The following CAST variants were observed in gnomAD, a reference collection of about 807,000 sequenced individuals.
CAST encodes the protein MIR583 host.
CAST carries 76 observed loss-of-function variants against 119.6 expected under a neutral mutation model. The ratio of observed to expected loss-of-function variants is 0.64; its 90% CI spans 0.53 to 0.77. The LOEUF is 0.77. CAST is among the 30% of genes least tolerant of loss of function. The pLI is 0.00. For missense variants in CAST, 953 were observed against 946.5 expected (o/e 1.01, Z -0.09); for synonymous variants, 319 against 331.6 (o/e 0.96, Z 0.41).
the CAST span, among the ~76,000 whole-genome samples, chr5:96,230,593 A>T: frequency 6.6e-6 from 1 of 152,176 alleles, no homozygotes; most frequent in African/African-American, 2.4e-5. Flanking sequence ...TTAGGCAATG[A>T]TTTCTTCGAT....
chr5:96,624,173 A>T (rs912661290), intron 1 of CAST, among the ~76,000 whole-genome samples: 4 of 152,216 alleles, frequency 2.6e-5, no homozygotes, highest in Non-Finnish European at 5.9e-5. Flanking sequence ...ACCACAACTA[A>T]TTCAAGGGAA....
chr5:96,646,667 G>A (rs1748017704), intron 1 of CAST, among the ~76,000 whole-genome samples: 1 of 152,042 alleles, frequency 6.6e-6, no homozygotes, highest in South Asian at 2.1e-4. Context: ...AGGTGTTGTG[G>A]GGCTGCACAT....
chr5:96,614,933 C>T (rs961628793), intron 1 of CAST, among the ~76,000 whole-genome samples: 1 of 152,160 alleles, frequency 6.6e-6, no homozygotes, highest in Non-Finnish European at 1.5e-5. Context: ...TCAGCGCTGC[C>T]TTGAGTGAGC....
the CAST span, among the ~76,000 whole-genome samples, chr5:96,008,559 T>C: frequency 6.6e-6 from 1 of 152,186 alleles, no homozygotes; most frequent in African/African-American, 2.4e-5. Flanking sequence ...CACTCTTTAA[T>C]CTATGTGGTT....
At chr5:96,478,595 G>A in the CAST span, among the ~76,000 whole-genome samples, 69 of 152,304 alleles carry the variant, frequency 4.5e-4, no homozygotes, top group African/African-American at 1.5e-3. Flanking sequence ...TTTGGCTGTG[G>A]TTGCAGGTGG....
the CAST span, among the ~76,000 whole-genome samples, chr5:96,091,468 G>A: frequency 6.9e-6 from 1 of 144,708 alleles, no homozygotes; most frequent in Non-Finnish European, 1.5e-5. Flanking sequence ...GCCTCCCAAA[G>A]TGCTGGAATT....
At chr5:96,192,221 T>C in the CAST span, among the ~76,000 whole-genome samples, 5 of 152,166 alleles carry the variant, frequency 3.3e-5, no homozygotes, top group Non-Finnish European at 5.9e-5. Flanking sequence ...TTCAGAACAA[T>C]AGATAGATGA....
chr5:96,744,193 C>T (rs542672029), intron 16 of CAST, among the ~76,000 whole-genome samples: 4 of 152,304 alleles, frequency 2.6e-5, no homozygotes, highest in South Asian at 4.2e-4. Context: ...GCAAAAAGAA[C>T]TCCTCTTTTC....
At chr5:96,222,901 T>G in the CAST span, among the ~76,000 whole-genome samples, 1 of 152,136 alleles carries the variant, frequency 6.6e-6, no homozygotes, top group Non-Finnish European at 1.5e-5. Flanking sequence ...ACATGGTATA[T>G]ATACATAATT....
At chr5:96,182,208 A>G in the CAST span, among the ~76,000 whole-genome samples, 1 of 152,216 alleles carries the variant, frequency 6.6e-6, no homozygotes, top group East Asian at 1.9e-4. Flanking sequence ...CTGGGTTAGA[A>G]GTTGCTTCCA....
At chr5:96,544,589 A>T (rs1487342593) in intron 1 of CAST, among the ~76,000 whole-genome samples, 1 of 140,354 alleles carries the variant, frequency 7.1e-6, no homozygotes, top group East Asian at 2.2e-4. Flanking sequence ...TTATATTATA[A>T]TTTTAAGGAA....
At chr5:96,137,121 C>T in the CAST span, among the ~76,000 whole-genome samples, 1 of 152,162 alleles carries the variant, frequency 6.6e-6, no homozygotes, top group Non-Finnish European at 1.5e-5. Context: ...TCTCATGTAT[C>T]TGCCATTTCA....
intron 18 of CAST, among the ~76,000 whole-genome samples, chr5:96,748,280 GT>G (rs565172983): frequency 7.6e-4 from 115 of 152,276 alleles, no homozygotes; most frequent in African/African-American, 2.6e-3. Flanking sequence ...TCAAGGGAAT[GT>G]TTGACCAAAT....
At chr5:96,575,206 C>T (rs748989583) in intron 1 of CAST, among the ~76,000 whole-genome samples, 6 of 151,622 alleles carry the variant, frequency 4.0e-5, no homozygotes, top group Admixed American at 2.0e-4. Context: ...TTCAGTTTCA[C>T]ATGTTATTGT....
In CAST at chr5:96,742,706, C is replaced by G. The variant is rs763130113; in HGVS notation, c.1150C>G (p.Arg384Gly). Residue 384 changes from arginine (R) to glycine (G), a missense_variant, in exon 16 of 32, where the codon CGG becomes GGG. Coordinates refer to ENST00000675179, the MANE Select transcript of CAST (RefSeq NM_001750.7). ...GGCTCTGTCGGCTTCACTGGGCACC[C>G]GGCAAGCAGAACCTGAGCTCGACCT... is the stretch of plus-strand genomic sequence containing the variant. ...LEALSASLGT[R>G]QAEPELDLRS... is the part of the protein sequence containing the mutation. 1.2e-5 allele frequency: 19 copies of G among 1,614,026 alleles called. No individual in the cohort carries two copies. The South Asian group carries it at 1.3e-4, about 11-fold the overall frequency.
the CAST span, among the ~76,000 whole-genome samples, chr5:96,366,441 T>G: frequency 8.5e-5 from 13 of 152,334 alleles, no homozygotes; most frequent in African/African-American, 3.1e-4. Context: ...TTGGTTCCAT[T>G]CTCCCCATCA....
At chr5:96,460,565 CAA>C in the CAST span, among the ~76,000 whole-genome samples, 68 of 142,926 alleles carry the variant, frequency 4.8e-4, 1 homozygote, top group African/African-American at 1.4e-3. Flanking sequence ...ATTCTAAGTA[CAA>C]AAAAAAAAAC....
At chr5:96,216,553 C>G in the CAST span, among the ~76,000 whole-genome samples, 1 of 152,174 alleles carries the variant, frequency 6.6e-6, no homozygotes, top group African/African-American at 2.4e-5. Flanking sequence ...TTTACCCACA[C>G]ATGATTTTGT....
chr5:96,599,830 T>C (rs1239453269), intron 1 of CAST, among the ~76,000 whole-genome samples: 2 of 152,152 alleles, frequency 1.3e-5, no homozygotes, highest in East Asian at 1.9e-4. Flanking sequence ...CCACAACCCA[T>C]ACACTTTTCT....
Sources: gnomAD v4.1 joint callset for allele counts (sites outside exome capture counted in the v4.1 genomes callset) on GRCh38, gnomAD v4.1.1 for gene constraint, MANE v1.5 for transcripts, NCBI Gene and HGNC (gene_info 2026-07-23, HGNC 2026-07-21) for gene names.